DYRK1A: variants seen among roughly 807,000 people sequenced by gnomAD.
The protein encoded by DYRK1A is dual specificity tyrosine-phosphorylation-regulated kinase 1A.
In DYRK1A, 9 loss-of-function variants were observed where a neutral mutation model predicts 79.7. The ratio of observed to expected loss-of-function variants is 0.11; its 90% confidence interval spans 0.07 to 0.20. The LOEUF (loss-of-function observed/expected upper bound fraction) is 0.20. Ranked by LOEUF, DYRK1A falls within the 10% of genes least tolerant of loss-of-function variation. DYRK1A has a pLI of 1.00. For synonymous variants in DYRK1A, 349 were observed against 329.7 expected (o/e 1.06, Z -0.63); for missense variants, 622 against 956.0 (o/e 0.65, Z 4.61).
In DYRK1A at chr21:37,384,750, G is replaced by T. The variant is rs74956031; in HGVS notation, c.-77+17122G>T. 5.6e-3 allele frequency among the ~76,000 whole-genome samples: 851 copies of T among 152,242 alleles called. 6 individuals carry two copies. Among genetic ancestry groups the T allele is most frequent in the African/African-American group, 0.02 (816 of 41,548 alleles). On this transcript the variant is annotated intron_variant, in intron 1 of 11. Transcript: ENST00000647188. The stretch of plus-strand genomic sequence containing the variant: ...AGACAAGGATATTAAAACAGTTATT[G>T]TATTTCATATGTTCTGAAAGTTTGG...
chr21:37,430,514 G>A (rs2835735), intron 2 of DYRK1A: 337,509 of 648,450 alleles, frequency 0.52, 88,512 homozygotes, highest in African/African-American at 0.71. Flanking sequence ...GGGAACCCTT[G>A]TTGCCCAACT....
In DYRK1A at chr21:37,457,021, CTTACTTACTTACTTACTTAT is replaced by C. The variant is rs1275203593; in HGVS notation, c.11-15659_11-15640del. 2.9e-3 allele frequency among the ~76,000 whole-genome samples: 249 copies of C among 85,370 alleles called. 1 individual carries two copies. The highest frequency in any genetic ancestry group is 0.011 in the African/African-American group (242 of 22,510). 56.0% of individuals were successfully genotyped at this position (85,370 alleles called of 152,430 possible). On this transcript the variant is annotated intron_variant, in intron 2 of 11. Coordinates refer to ENST00000647188, the MANE Select transcript of DYRK1A (RefSeq NM_001347721.2). ...GAGAGGTAAAAAGAAAATTTACTTACTTACTTACTTACTTACTTATTTATTTATTTATTTATTTATTTATT... is the reference window on the plus strand; with the variant it reads ...GAGAGGTAAAAAGAAAATTTACTTACTTATTTATTTATTTATTTATTTATT...
intron 1 of DYRK1A, among the ~76,000 whole-genome samples, chr21:37,378,751 T>C (rs1187535020): frequency 1.3e-5 from 2 of 152,182 alleles, no homozygotes; most frequent in African/African-American, 4.8e-5. Context: ...CTGCTTTTAA[T>C]GTTGAGATAG....
chr21:37,381,019 G>C (rs926934822), intron 1 of DYRK1A, among the ~76,000 whole-genome samples: 1 of 152,168 alleles, frequency 6.6e-6, no homozygotes, highest in Non-Finnish European at 1.5e-5. Flanking sequence ...GCTTATTACA[G>C]TTGATAATTT....
intron 1 of DYRK1A, among the ~76,000 whole-genome samples, chr21:37,389,925 G>GTTTTTTT (rs113974002): frequency 2.2e-5 from 3 of 135,120 alleles, no homozygotes; most frequent in Non-Finnish European, 3.2e-5. Flanking sequence ...TTTGTTTTTT[G>GTTTTTTT]TTTTTTTTTT....
chr21:37,383,809 G>A (rs550477428), intron 1 of DYRK1A, among the ~76,000 whole-genome samples: 1 of 150,486 alleles, frequency 6.6e-6, no homozygotes, highest in East Asian at 1.9e-4. Context: ...AAAAAATAAA[G>A]ATGGGGTGAT....
chr21:37,371,144 A>G (rs1344107516), intron 1 of DYRK1A, among the ~76,000 whole-genome samples: 1 of 152,228 alleles, frequency 6.6e-6, no homozygotes, highest in Non-Finnish European at 1.5e-5. Flanking sequence ...AAATGAAGAA[A>G]GCTTTTTGAA....
chr21:37,425,601 A>G (rs1173837547), intron 2 of DYRK1A: 3 of 152,238 alleles, frequency 2.0e-5, no homozygotes, highest in Admixed American at 6.5e-5. Context: ...GATTTTAGGT[A>G]TACTTATTAA....
intron 1 of DYRK1A, among the ~76,000 whole-genome samples, chr21:37,395,465 A>G (rs1474753264): frequency 1.3e-5 from 2 of 152,126 alleles, no homozygotes; most frequent in African/African-American, 4.8e-5. Context: ...TTAGATGTTA[A>G]TCATGGTTTG....
intron 1 of DYRK1A, among the ~76,000 whole-genome samples, chr21:37,389,414 C>T (rs909638718): frequency 6.6e-6 from 1 of 152,154 alleles, no homozygotes; most frequent in Non-Finnish European, 1.5e-5. Context: ...AGTCTGCCCG[C>T]CTTGGCCTCT....
intron 1 of DYRK1A, among the ~76,000 whole-genome samples, chr21:37,417,385 G>T (rs1159744441): frequency 6.6e-6 from 1 of 151,606 alleles, no homozygotes; most frequent in Non-Finnish European, 1.5e-5. Flanking sequence ...GTGGAGATGG[G>T]GTTTCTCCAT....
intron 1 of DYRK1A, among the ~76,000 whole-genome samples, chr21:37,370,351 C>G (rs528452230): frequency 1.3e-5 from 2 of 148,866 alleles, no homozygotes; most frequent in African/African-American, 5.0e-5. Context: ...TTTCGTGTGT[C>G]TGTTTATGGT....
At chr21:37,450,738 T>C (rs1023984675) in intron 2 of DYRK1A, among the ~76,000 whole-genome samples, 3 of 152,326 alleles carry the variant, frequency 2.0e-5, no homozygotes, top group South Asian at 4.1e-4. Flanking sequence ...CTTCTTTCAC[T>C]CATTCGTTTA....
intron 2 of DYRK1A, among the ~76,000 whole-genome samples, chr21:37,430,989 T>G (rs534151140): frequency 1.3e-5 from 2 of 152,326 alleles, no homozygotes; most frequent in South Asian, 2.1e-4. Context: ...GGTTCCTAGA[T>G]CTTTTTGACA....
chr21:37,403,311 T>G (rs949580381), intron 1 of DYRK1A, among the ~76,000 whole-genome samples: 1 of 152,224 alleles, frequency 6.6e-6, no homozygotes. Context: ...ATTCTTTGAA[T>G]GTATAAAATA....
Position 37,514,027 on chromosome 21 carries a change from A to C in DYRK1A, c.*1496A>C, listed in dbSNP as rs1448556255. ...TACTGAACATAGTAGATTGACATCT[A>C]ATTCAAGATTACAACATCTGTTACA... is the stretch of plus-strand genomic sequence containing the variant. On this transcript the variant is annotated 3_prime_UTR_variant, in exon 12 of 12. Coordinates refer to ENST00000647188, the MANE Select transcript of DYRK1A (RefSeq NM_001347721.2). 2.6e-5 allele frequency: 4 copies of C among 152,658 alleles called. No homozygotes were observed. Among genetic ancestry groups the C allele is most frequent in the Non-Finnish European group, 5.9e-5 (4 of 68,050 alleles). The allele number at this position is 152,658 out of a possible 1,614,324, so 9.5% of individuals were successfully genotyped here.
At chr21:37,419,189 G>A (rs2050415672) in intron 1 of DYRK1A, 1 of 152,102 alleles carries the variant, frequency 6.6e-6, no homozygotes, top group Non-Finnish European at 1.5e-5. Context: ...TAGTCCAGTT[G>A]GTTTCTTTCT....
intron 2 of DYRK1A, among the ~76,000 whole-genome samples, chr21:37,446,224 T>G (rs1230771457): frequency 6.6e-6 from 1 of 152,188 alleles, no homozygotes; most frequent in African/African-American, 2.4e-5. Context: ...CTCTCAACGC[T>G]CTCATTTTGC....
At chr21:37,447,303 A>G (rs1040547797) in intron 2 of DYRK1A, among the ~76,000 whole-genome samples, 2 of 152,276 alleles carry the variant, frequency 1.3e-5, no homozygotes, top group Middle Eastern at 3.4e-3. Context: ...CACCCCATGT[A>G]ACTTATAAAT....
Sources: gnomAD v4.1 joint callset for allele counts (sites outside exome capture counted in the v4.1 genomes callset) on GRCh38, gnomAD v4.1.1 for gene constraint, MANE v1.5 for transcripts, NCBI Gene and HGNC (gene_info 2026-07-23, HGNC 2026-07-21) for gene names.